Variants in TACC3 observed in about 807,000 individuals in gnomAD.
TACC3 encodes transforming acidic coiled-coil containing protein 3, also known as transforming acidic coiled-coil-containing protein 3.
In TACC3, 52 loss-of-function variants were observed where a neutral mutation model predicts 86.0. The ratio of observed to expected loss-of-function variants is 0.60; its 90% CI spans 0.48 to 0.76. The LOEUF (loss-of-function observed/expected upper bound fraction) is 0.76. Ranked by LOEUF, TACC3 falls within the 30% of genes least tolerant of loss-of-function variation. The probability of loss-of-function intolerance (pLI) is 0.00; values close to 1 mark genes in which losing one functional copy is unlikely to be tolerated. For missense variants in TACC3, 1,120 were observed against 1,070.4 expected, an observed-to-expected ratio of 1.05 and a Z score of -0.65; for synonymous variants, 512 against 430.0, an observed-to-expected ratio of 1.19 and a Z score of -2.36.
chr4:1,740,241 G>C, intron 12 of TACC3: 2 of 590,008 alleles, frequency 3.4e-6, no homozygotes, highest in East Asian at 2.8e-5. Flanking sequence ...CAGTTGTGCA[G>C]ATGCTGAGCT....
chr4:1,728,538 A>G lies in TACC3; in HGVS notation c.1136A>G (p.Gln379Arg). The G allele has an allele frequency of 1.2e-6, 2 of 1,613,976 alleles. No homozygotes were observed. Among genetic ancestry groups the G allele is most frequent in the Non-Finnish European group, 1.7e-6 (2 of 1,179,964 alleles). Residue 379 changes from glutamine (Q) to arginine (R), a missense_variant, in exon 4 of 16, where the codon CAG becomes CGG. Gln to Arg is a conservative substitution (Grantham distance 43). Coordinates refer to ENST00000313288, the MANE Select transcript of TACC3 (RefSeq NM_006342.3). ...KAAVRQQKAP[Q>R]EVEEDDGRSG... is the part of the protein sequence containing the mutation. The stretch of plus-strand genomic sequence containing the variant: ...GCAGTGAGGCAGCAAAAGGCCCCGC[A>G]GGAGGTGGAGGAGGACGACGGTAGG...
chr4:1,732,307 C>T (rs1474262196), intron 6 of TACC3, among the ~76,000 whole-genome samples: 1 of 138,656 alleles, frequency 7.2e-6, no homozygotes, highest in Non-Finnish European at 1.6e-5. Flanking sequence ...TACGGTTTGT[C>T]CGTAAGATTG....
rs186652165 is a variant in TACC3 at position 1,727,668 on chromosome 4, G to A, written c.306-40G>A. 40 of 1,539,720 alleles carry A rather than the reference G, an allele frequency of 2.6e-5. No individual in the cohort carries two copies. In the East Asian group the frequency reaches 3.4e-4, roughly 13 times the overall value. On this transcript the variant is annotated intron_variant, in intron 3 of 15. Transcript: ENST00000313288. Reference sequence around the variant, plus strand: ...AATGCTGAGGCCCCTAACCTCACCAGGTACTCGCTGCTTCACGTTGATTAA... The same window carrying A: ...AATGCTGAGGCCCCTAACCTCACCAAGTACTCGCTGCTTCACGTTGATTAA...
At chr4:1,730,686 G>A (rs1483270652) in intron 4 of TACC3, 3 of 724,134 alleles carry the variant, frequency 4.1e-6, no homozygotes, top group Admixed American at 1.9e-5. Flanking sequence ...CAAGGCGCGT[G>A]TTTTCCTGCT....
upstream of TACC3, chr4:1,721,233 A>C (rs1717324056): frequency 6.1e-6 from 1 of 163,450 alleles, no homozygotes; most frequent in Non-Finnish European, 1.3e-5. Flanking sequence ...GGCCTGAGCG[A>C]GGCCCTGGCC....
chr4:1,744,662 CTG>C, intron 14 of TACC3, 38 bp downstream of exon 14: 1 of 1,612,232 alleles, frequency 6.2e-7, no homozygotes, highest in African/African-American at 1.3e-5. Context: ...GAGGGAGAAT[CTG>C]AGCACCTGGG....
rs1444725345 is a variant in TACC3, at chr4:1,739,957, A to G, written c.2019-2A>G. 7 of 1,612,904 alleles carry G rather than the reference A, an allele frequency of 4.3e-6. No individual in the cohort carries two copies. The highest frequency in any genetic ancestry group is 5.9e-6 in the Non-Finnish European group (7 of 1,179,988). ...GGCTGTGTGTCTGTTCTCCTCCCAC[A>G]GGAAGATCATGGACAGGTTCGAAGA... On this transcript the variant is annotated splice_acceptor_variant, in intron 11 of 15. Coordinates refer to ENST00000313288, the MANE Select transcript of TACC3 (RefSeq NM_006342.3). LOFTEE classifies it high-confidence loss of function.
At chr4:1,731,347 A>G (rs1324647118) in intron 6 of TACC3, 46 bp downstream of exon 6, 2 of 1,596,976 alleles carry the variant, frequency 1.3e-6, no homozygotes, top group Non-Finnish European at 1.7e-6. Flanking sequence ...CCCGGAGGGG[A>G]TCCCGTGAGC....
rs199702094 is a variant in TACC3 at position 1,745,036 on chromosome 4, G to A, written c.*23G>A. The A allele has an allele frequency of 2.7e-5, 43 of 1,589,806 alleles. No homozygotes were observed. The highest frequency in any genetic ancestry group is 2.4e-4 in the African/African-American group (18 of 74,716). ...TGACCTCCACGGAGCCGCTGTCCCCGCCCCCCTGCTCCCGTCTGTCTGTCC... is the reference window on the plus strand; with the variant it reads ...TGACCTCCACGGAGCCGCTGTCCCCACCCCCCTGCTCCCGTCTGTCTGTCC... On this transcript the variant is annotated 3_prime_UTR_variant, in exon 16 of 16. Coordinates refer to ENST00000313288, the MANE Select transcript of TACC3 (RefSeq NM_006342.3).
rs192064282 is a variant in TACC3 at position 1,744,737 on chromosome 4, C to A, written c.2356C>A (p.Arg786=). The change falls in exon 15 of 16, where the codon CGG becomes AGG. Residue 786 remains arginine, a synonymous_variant. Transcript: ENST00000313288. ...QLANEEIAQV[R]SKAQAEALAL... ...GGCAAACGAGGAGATCGCCCAGGTCCGGAGCAAGGCCCAGGCGGAAGCGTT... is the reference window on the plus strand; with the variant it reads ...GGCAAACGAGGAGATCGCCCAGGTCAGGAGCAAGGCCCAGGCGGAAGCGTT... 1 of 1,612,506 alleles carries A rather than the reference C, an allele frequency of 6.2e-7. No homozygotes were observed. Among genetic ancestry groups the A allele is most frequent in the Non-Finnish European group, 8.5e-7 (1 of 1,179,978 alleles).
chr4:1,736,516 T>C (rs1277140291), intron 8 of TACC3, among the ~76,000 whole-genome samples: 1 of 152,018 alleles, frequency 6.6e-6, no homozygotes, highest in Non-Finnish European at 1.5e-5. Context: ...TGTAAAGTTT[T>C]ATCGTCACAG....
At chr4:1,724,927 A>T (rs1401933228) in intron 3 of TACC3, among the ~76,000 whole-genome samples, 3 of 110,140 alleles carry the variant, frequency 2.7e-5, no homozygotes, top group East Asian at 2.6e-4. Context: ...TGCCCGGCCA[A>T]TTTTTTTTTT....
intron 1 of TACC3, among the ~76,000 whole-genome samples, chr4:1,722,679 T>C (rs1225884436): frequency 1.3e-5 from 2 of 152,308 alleles, no homozygotes; most frequent in East Asian, 3.9e-4. Flanking sequence ...CACTCGGTTC[T>C]CTCTGGCAGC....
At chr4:1,739,335 A>C in intron 10 of TACC3, 1 of 253,004 alleles carries the variant, frequency 4.0e-6, no homozygotes, top group Non-Finnish European at 7.5e-6. Flanking sequence ...ATCTGAACAT[A>C]CTGACTTACT....
At position 1,735,775 on chromosome 4, in the gene TACC3, C is replaced by T. The variant is rs11248073; in HGVS notation, c.1689C>T (p.Phe563=). Residue 563 remains phenylalanine (F), a synonymous_variant, in exon 8 of 16, where the codon TTC becomes TTT. Transcript: ENST00000313288. The surrounding 1 kb of genome is among the most constrained non-coding windows in gnomAD (Gnocchi z 4.2). Reference sequence around the variant, plus strand: ...GGAAGCAGTCCTTATACCTCAAGTTCGACCCCCTCCTGAGGGACAGTCCTG... The same window carrying T: ...GGAAGCAGTCCTTATACCTCAAGTTTGACCCCCTCCTGAGGGACAGTCCTG... The part of the protein sequence containing the change: ...ALRKQSLYLK[F]DPLLRDSPGR... The T allele has an allele frequency of 0.36, 577,095 of 1,609,808 alleles. 109,573 individuals carry two copies. Among genetic ancestry groups the T allele is most frequent in the East Asian group, 0.7 (31,217 of 44,720 alleles).
chr4:1,721,612 G>A lies in TACC3; in HGVS notation c.-33G>A, dbSNP rs1717363568. Reference sequence around the variant, plus strand: ...CCTCCTTCCTGGCGGCGGCGGCGCGGGCTCAGAGCCCGGCAACGGGCGGGC... The same window carrying A: ...CCTCCTTCCTGGCGGCGGCGGCGCGAGCTCAGAGCCCGGCAACGGGCGGGC... On this transcript the variant is annotated 5_prime_UTR_variant, in exon 1 of 16. Coordinates refer to ENST00000313288, the MANE Select transcript of TACC3 (RefSeq NM_006342.3). 1 of 152,702 alleles carries A rather than the reference G, an allele frequency of 6.5e-6. No homozygotes were observed. Among genetic ancestry groups the A allele is most frequent in the Non-Finnish European group, 1.5e-5 (1 of 68,534 alleles). The allele number at this position is 152,702 out of a possible 1,614,324, so 9.5% of individuals were successfully genotyped here. A position where few individuals can be genotyped will look rare whatever the true frequency, so the allele number is the denominator to read the frequency against.
chr4:1,740,914 C>T lies in TACC3; in HGVS notation c.2151C>T (p.Ser717=). The T allele has an allele frequency of 1.2e-6, 2 of 1,613,128 alleles. No homozygotes were observed. Among genetic ancestry groups the T allele is most frequent in the Non-Finnish European group, 1.7e-6 (2 of 1,179,726 alleles). ...EKDQLTTDLN[S]MEKSFSDLFK... The stretch of plus-strand genomic sequence containing the variant: ...ACCAACTTACCACAGATCTGAACTC[C>T]ATGGAGAAGTCCTTCTCCGACCTCT... The change falls in exon 13 of 16, where the codon TCC becomes TCT. Residue 717 remains serine, a synonymous_variant. Coordinates refer to ENST00000313288, the MANE Select transcript of TACC3 (RefSeq NM_006342.3).
Position 1,735,691 on chromosome 4 carries a change from G to C in TACC3, c.1645-40G>C, listed in dbSNP as rs1718223203. ...CCCTTAGCCCCCGTGTGTGTTAGGG[G>C]ATGGCAGTCAGACCTGATCACTTGC... is the stretch of plus-strand genomic sequence containing the variant. On this transcript the variant is annotated intron_variant, in intron 7 of 15. Transcript: ENST00000313288. The surrounding 1 kb of genome is among the most constrained non-coding windows in gnomAD (Gnocchi z 4.2). 1 of 1,523,608 alleles carries C rather than the reference G, an allele frequency of 6.6e-7. No individual in the cohort carries two copies. The highest frequency in any genetic ancestry group is 1.4e-5 in the African/African-American group (1 of 73,530). 94.4% of individuals were successfully genotyped at this position (1,523,608 alleles called of 1,614,324 possible). A position where few individuals can be genotyped will look rare whatever the true frequency, so the allele number is the denominator to read the frequency against.
intron 15 of TACC3, 46 bp downstream of exon 15, chr4:1,744,878 C>G: frequency 6.2e-7 from 1 of 1,612,428 alleles, no homozygotes; most frequent in Non-Finnish European, 8.5e-7. Context: ...GCAGCACCTT[C>G]TAGAAGGCCC....
Sources: gnomAD v4.1 joint callset for allele counts (sites outside exome capture counted in the v4.1 genomes callset) on GRCh38, gnomAD v4.1.1 for gene constraint, Gnocchi (gnomAD v3.1) non-coding constraint, MANE v1.5 for transcripts, NCBI Gene and HGNC (gene_info 2026-07-23, HGNC 2026-07-21) for gene names.